PAPPA2: variants seen among roughly 807,000 people sequenced by gnomAD.
PAPPA2 encodes pappalysin-2.
In PAPPA2, 86 loss-of-function variants were observed where a neutral mutation model predicts 176.4. The observed-to-expected ratio is 0.49, with a 90% CI of 0.41 to 0.58. The LOEUF is 0.58. Ranked by LOEUF, PAPPA2 falls within the 20% of genes least tolerant of loss-of-function variation. PAPPA2 has a pLI of 0.00. For synonymous variants in PAPPA2, 809 were observed against 852.2 expected (o/e 0.95, Z 0.88); for missense variants, 2,073 against 2,256.9 (o/e 0.92, Z 1.65).
intron 16 of PAPPA2, among the ~76,000 whole-genome samples, chr1:176,770,444 G>A (rs184871190): frequency 5.2e-4 from 79 of 152,254 alleles, no homozygotes; most frequent in African/African-American, 1.7e-3. Flanking sequence ...TGTTCAAACC[G>A]TGATTCTGCC....
At position 176,552,864 on chromosome 1, in the gene PAPPA2, G is replaced by A. The variant is rs1238268125; in HGVS notation, c.-916-2543G>A. The stretch of plus-strand genomic sequence containing the variant: ...AAAAGGGGGAAAAACCCTCTCCTTG[G>A]AGATTTCAAAACAGATTCGACCAGC... On this transcript the variant is annotated intron_variant, in intron 1 of 22. Transcript: ENST00000367662. Among the ~76,000 whole-genome samples, 5 of 152,182 alleles carry A rather than the reference G, an allele frequency of 3.3e-5. No individual in the cohort carries two copies. In the South Asian group the frequency reaches 1.0e-3, roughly 32 times the overall value.
intron 2 of PAPPA2, among the ~76,000 whole-genome samples, chr1:176,590,742 T>TTC (rs1215268425): frequency 6.6e-6 from 1 of 152,176 alleles, no homozygotes; most frequent in African/African-American, 2.4e-5. Context: ...TGATACAGCA[T>TTC]GTAAGTGGTA....
intron 1 of PAPPA2, among the ~76,000 whole-genome samples, chr1:176,489,935 A>C (rs558478485): frequency 3.7e-4 from 57 of 152,202 alleles, no homozygotes; most frequent in Non-Finnish European, 6.6e-4. Flanking sequence ...TATTCAATAA[A>C]TATTTGTCAG....
At chr1:176,809,754 T>A (rs1385770109) in intron 21 of PAPPA2, among the ~76,000 whole-genome samples, 23 of 152,104 alleles carry the variant, frequency 1.5e-4, no homozygotes, top group Non-Finnish European at 3.4e-4. Flanking sequence ...GGGATGTACT[T>A]CATTCTGGGA....
chr1:176,566,891 G>A (rs1652016271), intron 2 of PAPPA2, among the ~76,000 whole-genome samples: 1 of 152,104 alleles, frequency 6.6e-6, no homozygotes, highest in African/African-American at 2.4e-5. Flanking sequence ...CTAACAGAAA[G>A]GCAACACCTT....
intron 14 of PAPPA2, among the ~76,000 whole-genome samples, chr1:176,760,388 T>C (rs1663644127): frequency 6.6e-6 from 1 of 152,216 alleles, no homozygotes; most frequent in South Asian, 2.1e-4. Context: ...ATAGAATTTA[T>C]TGACATATCT....
rs770351118 is a variant in PAPPA2 at position 176,699,305 on chromosome 1, A to C, written c.2952A>C (p.Thr984=). Residue 984 remains threonine (T), a synonymous_variant, in exon 8 of 23, where the codon ACA becomes ACC. Coordinates refer to ENST00000367662, the MANE Select transcript of PAPPA2 (RefSeq NM_020318.3). ...AGTCCTCGCAGGTCCTCTTTGACAC[A>C]GAGATCTTGCTGGAAAACAAGGAGT... ...FMESSQVLFD[T]EILLENKESV... The C allele has an allele frequency of 1.2e-6, 2 of 1,614,120 alleles. No individual in the cohort carries two copies. Among genetic ancestry groups the C allele is most frequent in the South Asian group, 2.2e-5 (2 of 91,076 alleles).
intron 3 of PAPPA2, among the ~76,000 whole-genome samples, chr1:176,639,579 C>T (rs75502340): frequency 1.3e-3 from 191 of 152,222 alleles, no homozygotes; most frequent in African/African-American, 4.5e-3. Context: ...TTCTTCCCAT[C>T]TTTCTACCAC....
intron 1 of PAPPA2, among the ~76,000 whole-genome samples, chr1:176,511,177 G>A (rs1029178770): frequency 6.6e-6 from 1 of 151,956 alleles, no homozygotes; most frequent in African/African-American, 2.4e-5. Context: ...CAAAATAAAA[G>A]GATGGAAAAA....
At chr1:176,598,984 G>T (rs1249259635) in intron 3 of PAPPA2, among the ~76,000 whole-genome samples, 1 of 152,070 alleles carries the variant, frequency 6.6e-6, no homozygotes, top group East Asian at 1.9e-4. Flanking sequence ...TTTTGAAAAT[G>T]CACTTCTCAG....
At chr1:176,672,588 A>G (rs1442986279) in intron 4 of PAPPA2, among the ~76,000 whole-genome samples, 2 of 152,106 alleles carry the variant, frequency 1.3e-5, no homozygotes. Flanking sequence ...AAAAAAAAAG[A>G]AAAGATTGCT....
At chr1:176,704,142 G>A (rs1024049088) in intron 9 of PAPPA2, among the ~76,000 whole-genome samples, 2 of 150,674 alleles carry the variant, frequency 1.3e-5, no homozygotes, top group South Asian at 2.1e-4. Flanking sequence ...CTTGAAAGGG[G>A]TGGAGGGCTC....
At chr1:176,796,798 C>T (rs1665462516) in intron 20 of PAPPA2, among the ~76,000 whole-genome samples, 1 of 146,614 alleles carries the variant, frequency 6.8e-6, no homozygotes, top group African/African-American at 2.5e-5. Context: ...GTCTTTCTTC[C>T]TCCCTCTCTC....
At chr1:176,522,152 A>G (rs1649248748) in intron 1 of PAPPA2, among the ~76,000 whole-genome samples, 1 of 152,218 alleles carries the variant, frequency 6.6e-6, no homozygotes, top group Non-Finnish European at 1.5e-5. Flanking sequence ...CAGCATTTAA[A>G]CATTCCTTTT....
intron 14 of PAPPA2, 69 bp downstream of exon 14, chr1:176,740,265 AGTGT>A: frequency 6.9e-7 from 1 of 1,442,166 alleles, no homozygotes; most frequent in Non-Finnish European, 9.6e-7. Flanking sequence ...ACATTTACAT[AGTGT>A]TATGTATAGA....
intron 3 of PAPPA2, among the ~76,000 whole-genome samples, chr1:176,617,710 G>A (rs915070160): frequency 4.6e-5 from 7 of 151,820 alleles, no homozygotes; most frequent in Non-Finnish European, 2.9e-5. Flanking sequence ...ATTTAGGCTG[G>A]TTCCATATTT....
At chr1:176,633,778 C>A (rs1656493655) in intron 3 of PAPPA2, among the ~76,000 whole-genome samples, 1 of 152,132 alleles carries the variant, frequency 6.6e-6, no homozygotes, top group Non-Finnish European at 1.5e-5. Context: ...AAAAAGTGGG[C>A]AAAGGATATG....
chr1:176,831,631 G>A (rs1257575022), intron 21 of PAPPA2, among the ~76,000 whole-genome samples: 1 of 152,190 alleles, frequency 6.6e-6, no homozygotes, highest in Non-Finnish European at 1.5e-5. Flanking sequence ...AAGCAGGTCA[G>A]TGTGTGCTTG....
At chr1:176,595,723 A>G in intron 3 of PAPPA2, 128 bp downstream of exon 3, 1 of 922,714 alleles carries the variant, frequency 1.1e-6, no homozygotes, top group Non-Finnish European at 1.6e-6. Flanking sequence ...CCCATCAGAC[A>G]GTATTAAGCT....
Sources: allele counts gnomAD v4.1 joint callset (sites outside exome capture counted in the v4.1 genomes callset), GRCh38; gene constraint gnomAD v4.1.1; transcripts MANE v1.5; gene names NCBI Gene and HGNC (gene_info 2026-07-23, HGNC 2026-07-21).